Variants in NCKAP5 observed in about 807,000 individuals in gnomAD.
NCKAP5 encodes NCK associated protein 5.
A neutral mutation model predicts 167.0 loss-of-function variants in NCKAP5; 92 were observed. That is an observed-to-expected ratio of 0.55 (90% CI 0.47 to 0.66). NCKAP5 has a LOEUF of 0.66. NCKAP5 is among the 30% of genes least tolerant of loss of function. The pLI is 0.00. For synonymous variants in NCKAP5, 891 were observed against 877.4 expected, an observed-to-expected ratio of 1.02 and a Z score of -0.27; for missense variants, 2,378 against 2,315.0, an observed-to-expected ratio of 1.03 and a Z score of -0.56.
intron 3 of NCKAP5, among the ~76,000 whole-genome samples, chr2:133,358,525 C>T (rs2150853573): frequency 6.6e-6 from 1 of 152,264 alleles, no homozygotes. Context: ...CTGCAGTGAG[C>T]TATAATCACG....
chr2:132,727,788 T>G (rs571437266), intron 18 of NCKAP5, among the ~76,000 whole-genome samples: 1 of 152,138 alleles, frequency 6.6e-6, no homozygotes, highest in African/African-American at 2.4e-5. Flanking sequence ...AGGACTCTAG[T>G]GTTCCCCACT....
chr2:133,355,988 C>T (rs1367206), intron 3 of NCKAP5, among the ~76,000 whole-genome samples: 13,683 of 151,922 alleles, frequency 0.09, 786 homozygotes, highest in Non-Finnish European at 0.13. Flanking sequence ...AGTGCAGCGG[C>T]GTGATCATGT....
intron 2 of NCKAP5, among the ~76,000 whole-genome samples, chr2:133,555,124 T>C (rs190526180): frequency 5.9e-5 from 9 of 152,320 alleles, no homozygotes; most frequent in Non-Finnish European, 7.3e-5. Flanking sequence ...GTTCTAAGCA[T>C]TCGGTAGCAT....
At chr2:132,965,335 T>A (rs2076627876) in intron 7 of NCKAP5, among the ~76,000 whole-genome samples, 1 of 152,138 alleles carries the variant, frequency 6.6e-6, no homozygotes, top group African/African-American at 2.4e-5. Flanking sequence ...TAGCTTTGAT[T>A]TTTTAGGGTT....
intron 3 of NCKAP5, among the ~76,000 whole-genome samples, chr2:133,349,587 T>G (rs1460769323): frequency 1.3e-5 from 2 of 152,262 alleles, no homozygotes; most frequent in African/African-American, 2.4e-5. Flanking sequence ...GTTGGTGCCA[T>G]TAGCTTGTCA....
At chr2:132,943,841 G>A (rs944444631) in intron 8 of NCKAP5, among the ~76,000 whole-genome samples, 4 of 152,294 alleles carry the variant, frequency 2.6e-5, no homozygotes, top group South Asian at 2.1e-4. Context: ...AGAACAAGGC[G>A]GGTGAAAAGA....
intron 11 of NCKAP5, among the ~76,000 whole-genome samples, chr2:132,860,113 T>TA (rs548218677): frequency 2.4e-4 from 36 of 152,054 alleles, no homozygotes; most frequent in South Asian, 2.3e-3. Flanking sequence ...GAGTTTGAAA[T>TA]AAAAAAAATG....
intron 8 of NCKAP5, among the ~76,000 whole-genome samples, chr2:132,912,253 GTCA>G (rs1332607434): frequency 5.9e-5 from 9 of 152,112 alleles, no homozygotes; most frequent in Non-Finnish European, 8.8e-5. Flanking sequence ...TTTGGGAAAA[GTCA>G]TCATATGGTC....
Position 132,819,359 on chromosome 2 carries a change from C to T in NCKAP5, c.808-22630G>A, listed in dbSNP as rs763318730. The stretch of plus-strand genomic sequence containing the variant: ...GCTTTCTTCTCATTGCCAAGCAGAG[C>T]GCTACAGCTATGACTGTTATGTATT... On this transcript the variant is annotated intron_variant, in intron 11 of 19. Transcript: ENST00000409261. Among the ~76,000 whole-genome samples, 13 of 152,218 alleles carry T rather than the reference C, an allele frequency of 8.5e-5. 1 individual carries two copies. The highest frequency in any genetic ancestry group is 4.1e-4 in the South Asian group (2 of 4,834).
chr2:133,125,046 C>CAAT (rs989363481), intron 6 of NCKAP5, among the ~76,000 whole-genome samples: 20 of 150,574 alleles, frequency 1.3e-4, no homozygotes, highest in East Asian at 4.1e-4. Flanking sequence ...GACCCTGTCT[C>CAAT]AATAATAATA....
intron 6 of NCKAP5, among the ~76,000 whole-genome samples, chr2:133,000,715 A>T (rs571547993): frequency 6.6e-6 from 1 of 152,138 alleles, no homozygotes; most frequent in Admixed American, 6.6e-5. Context: ...AAATTTTTAA[A>T]TTTTTTAATT....
At chr2:133,193,752 G>GT in intron 5 of NCKAP5, among the ~76,000 whole-genome samples, 1 of 152,040 alleles carries the variant, frequency 6.6e-6, no homozygotes, top group Non-Finnish European at 1.5e-5. Context: ...CTTAACTACT[G>GT]TTAAACTTTA....
At chr2:133,359,448 T>C (rs917624831) in intron 3 of NCKAP5, among the ~76,000 whole-genome samples, 1 of 152,194 alleles carries the variant, frequency 6.6e-6, no homozygotes, top group Admixed American at 6.5e-5. Context: ...TGATTTGTCA[T>C]GAGGAAAACC....
chr2:132,854,825 G>A (rs1394097646), intron 11 of NCKAP5, among the ~76,000 whole-genome samples: 1 of 152,162 alleles, frequency 6.6e-6, no homozygotes, highest in African/African-American at 2.4e-5. Flanking sequence ...GCAGGGGTGG[G>A]GTGGGCAGGA....
intron 2 of NCKAP5, among the ~76,000 whole-genome samples, chr2:133,522,697 CA>C (rs59464795): frequency 0.1 from 15,525 of 152,136 alleles, 1,297 homozygotes; most frequent in African/African-American, 0.23. Context: ...TAATACTAGA[CA>C]CATTTACAAG....
intron 4 of NCKAP5, among the ~76,000 whole-genome samples, chr2:133,275,431 G>A (rs989992873): frequency 1.3e-4 from 19 of 151,940 alleles, no homozygotes; most frequent in Admixed American, 1.1e-3. Context: ...GAACTCGCAC[G>A]AAATCCATTA....
At chr2:133,061,655 T>G (rs545863544) in intron 6 of NCKAP5, among the ~76,000 whole-genome samples, 1 of 152,306 alleles carries the variant, frequency 6.6e-6, no homozygotes, top group African/African-American at 2.4e-5. Flanking sequence ...GATGAACACA[T>G]TGTCTGACGG....
chr2:133,266,848 C>T (rs1261602176), intron 4 of NCKAP5, among the ~76,000 whole-genome samples: 1 of 152,152 alleles, frequency 6.6e-6, no homozygotes, highest in Non-Finnish European at 1.5e-5. Context: ...CCTGGAGGCG[C>T]GCGTTAAAGA....
At chr2:132,978,679 C>T (rs146111266) in intron 7 of NCKAP5, among the ~76,000 whole-genome samples, 7 of 152,204 alleles carry the variant, frequency 4.6e-5, no homozygotes, top group Admixed American at 4.6e-4. Context: ...AAGCTGGCCA[C>T]ATGGTGCACA....
Sources: allele counts gnomAD v4.1 joint callset (sites outside exome capture counted in the v4.1 genomes callset), GRCh38; gene constraint gnomAD v4.1.1; transcripts MANE v1.5; gene names NCBI Gene and HGNC (gene_info 2026-07-23, HGNC 2026-07-21).